Variants in ENPEP observed in about 807,000 individuals in gnomAD.
ENPEP encodes the protein AP-A.
ENPEP carries 103 observed loss-of-function variants against 114.5 expected under a neutral mutation model. That is an observed-to-expected ratio of 0.90 (90% CI 0.77 to 1.06). The LOEUF (loss-of-function observed/expected upper bound fraction) is 1.06, where lower values mean the gene tolerates loss of function less well. Ranked by LOEUF, ENPEP falls within the 50% of genes least tolerant of loss-of-function variation. ENPEP has a pLI of 0.00. For synonymous variants in ENPEP, 420 were observed against 422.0 expected (o/e 1.00, Z 0.06); for missense variants, 1,196 against 1,161.3 (o/e 1.03, Z -0.43).
At chr4:110,515,610 C>G in intron 8 of ENPEP, 168 bp downstream of exon 8, 1 of 632,158 alleles carries the variant, frequency 1.6e-6, no homozygotes, top group Non-Finnish European at 2.8e-6. Context: ...AATTGAGTAC[C>G]TACATTGTAT....
intron 14 of ENPEP, 78 bp from the exon 15 acceptor site, chr4:110,549,268 G>C: frequency 8.8e-7 from 1 of 1,134,554 alleles, no homozygotes; most frequent in Non-Finnish European, 1.3e-6. Context: ...TTATAACAGG[G>C]GCTGCTGAGT....
chr4:110,545,866 T>C (rs1003402228), intron 13 of ENPEP, among the ~76,000 whole-genome samples: 4 of 151,948 alleles, frequency 2.6e-5, no homozygotes, highest in Admixed American at 2.0e-4. Flanking sequence ...GGCCACCCCA[T>C]GCAGTCCCAT....
At position 110,509,721 on chromosome 4, in the gene ENPEP, A is replaced by G; in HGVS notation, c.1108A>G (p.Thr370Ala). Residue 370 changes from threonine to alanine, a missense_variant, in exon 5 of 20, where the codon ACG becomes GCG. By Grantham distance (58) the Thr-to-Ala change is moderately conservative. Transcript: ENST00000265162. ...ENWGLITYRE[T>A]NLLYDPKESA... is the part of the protein sequence containing the mutation. ...CTGGGGACTCATCACGTACAGAGAA[A>G]CGAACCTGCTTTATGACCCTAAGGA... 1.9e-6 allele frequency: 3 copies of G among 1,614,224 alleles called. No individual in the cohort carries two copies. The highest frequency in any genetic ancestry group is 2.5e-6 in the Non-Finnish European group (3 of 1,180,018).
At chr4:110,517,169 A>G (rs1046106557) in intron 8 of ENPEP, among the ~76,000 whole-genome samples, 2 of 151,912 alleles carry the variant, frequency 1.3e-5, no homozygotes, top group Non-Finnish European at 2.9e-5. Flanking sequence ...TGAACTTGTG[A>G]GCTCAAGAGA....
chr4:110,509,836 GT>G lies in ENPEP; in HGVS notation c.1194+36del, dbSNP rs763850521. 7.5e-6 allele frequency: 12 copies of G among 1,595,250 alleles called. No individual in the cohort carries two copies. The South Asian group carries it at 8.0e-5, about 11-fold the overall frequency. The stretch of plus-strand genomic sequence containing the variant: ...CAGAATCTTAGCACTGAATCAGCTT[GT>G]TTTTTTAAAGTGGCTTAAGACCACA... On this transcript the variant is annotated intron_variant, in intron 5 of 19. Coordinates refer to ENST00000265162, the MANE Select transcript of ENPEP (RefSeq NM_001977.4).
At chr4:110,511,346 G>A (rs570725850) in intron 6 of ENPEP, among the ~76,000 whole-genome samples, 1 of 151,998 alleles carries the variant, frequency 6.6e-6, no homozygotes, top group South Asian at 2.1e-4. Flanking sequence ...GTGCGTTATA[G>A]GATACTTAGC....
At position 110,561,531 on chromosome 4, in the gene ENPEP, G is replaced by GT; in HGVS notation, c.2853dup (p.Asn952Ter). 1 of 1,613,508 alleles carries GT rather than the reference G, an allele frequency of 6.2e-7. No homozygotes were observed. The highest frequency in any genetic ancestry group is 8.5e-7 in the Non-Finnish European group (1 of 1,179,774). On this transcript the variant is annotated frameshift_variant, in exon 20 of 20. Transcript: ENST00000265162. LOFTEE classifies it low-confidence loss of function (END_TRUNC). ...AACATAGAAACACCATCAGAGAATGGTTTTTTAATTTACTTGAGAGTGGTT... is the reference window on the plus strand; with the variant it reads ...AACATAGAAACACCATCAGAGAATGGTTTTTTTAATTTACTTGAGAGTGGTT...
At chr4:110,560,948 A>AG (rs1727656568) in intron 19 of ENPEP, among the ~76,000 whole-genome samples, 4 of 152,098 alleles carry the variant, frequency 2.6e-5, no homozygotes, top group Admixed American at 2.6e-4. Flanking sequence ...GGTCAGAGGG[A>AG]GTACAGCACT....
At chr4:110,552,418 T>C (rs1260792860) in intron 17 of ENPEP, among the ~76,000 whole-genome samples, 1 of 152,184 alleles carries the variant, frequency 6.6e-6, no homozygotes, top group Non-Finnish European at 1.5e-5. Context: ...TAGAAATACC[T>C]TTTCTGTTTG....
chr4:110,548,316 C>T lies in ENPEP; in HGVS notation c.2141C>T (p.Pro714Leu). ...TTTGAAGATGATAAAGAGCTATATC[C>T]TATGATTGAGGTGACGTTAATGCTA... ...SMFEDDKELY[P>L]MIEEYFQGQV... The change falls in exon 14 of 20, where the codon CCT becomes CTT. Residue 714 changes from proline to leucine, a missense_variant. Physicochemically the swap from Pro to Leu is moderately conservative, Grantham distance 98. Transcript: ENST00000265162. 6.3e-7 allele frequency: 1 copy of T among 1,581,272 alleles called. No individual in the cohort carries two copies. Among genetic ancestry groups the T allele is most frequent in the Non-Finnish European group, 8.6e-7 (1 of 1,165,556 alleles).
intron 1 of ENPEP, among the ~76,000 whole-genome samples, chr4:110,482,780 G>A (rs922705348): frequency 1.3e-5 from 2 of 152,132 alleles, no homozygotes; most frequent in Admixed American, 1.3e-4. Context: ...AGGCTGAGGT[G>A]GGCGGATCAC....
chr4:110,526,899 A>G (rs1179357597), intron 10 of ENPEP, among the ~76,000 whole-genome samples: 1 of 152,208 alleles, frequency 6.6e-6, no homozygotes, highest in Non-Finnish European at 1.5e-5. Context: ...CTAATTAAAG[A>G]ACAATGTGGA....
rs764743383 is a variant in ENPEP, at chr4:110,542,857, G to C, written c.1914G>C (p.Ser638=). The part of the protein sequence containing the change: ...RVNYEVATWD[S]IATALSLNHK... ...ATTATGAAGTAGCAACTTGGGACTC[G>C]ATAGCTACAGCGCTCTCCTTGAACC... The change falls in exon 12 of 20, where the codon TCG becomes TCC. Residue 638 remains serine, a synonymous_variant. Transcript: ENST00000265162. 1 of 1,613,138 alleles carries C rather than the reference G, an allele frequency of 6.2e-7. No individual in the cohort carries two copies. The highest frequency in any genetic ancestry group is 1.3e-5 in the African/African-American group (1 of 74,968).
chr4:110,556,007 A>G (rs74946616), intron 18 of ENPEP, among the ~76,000 whole-genome samples: 2 of 152,012 alleles, frequency 1.3e-5, no homozygotes, highest in African/African-American at 4.8e-5. Context: ...TGCAGTTTTC[A>G]CTCAGCATAT....
At chr4:110,516,649 TA>T (rs1171894130) in intron 8 of ENPEP, among the ~76,000 whole-genome samples, 1 of 152,166 alleles carries the variant, frequency 6.6e-6, no homozygotes, top group Non-Finnish European at 1.5e-5. Flanking sequence ...CAAGCCTTCT[TA>T]TGTGGCATTT....
chr4:110,487,531 C>CGT (rs145156095), intron 1 of ENPEP, among the ~76,000 whole-genome samples: 7 of 151,842 alleles, frequency 4.6e-5, no homozygotes, highest in Admixed American at 2.6e-4. Context: ...TGTGTGCGCA[C>CGT]GTGTGTGTGT....
chr4:110,555,855 T>C (rs1181066452), intron 18 of ENPEP, among the ~76,000 whole-genome samples: 1 of 152,000 alleles, frequency 6.6e-6, no homozygotes, highest in Non-Finnish European at 1.5e-5. Context: ...AAAATATAAT[T>C]AAATCCTTAT....
intron 3 of ENPEP, among the ~76,000 whole-genome samples, chr4:110,501,011 G>A (rs1725134107): frequency 6.6e-6 from 1 of 152,148 alleles, no homozygotes; most frequent in Non-Finnish European, 1.5e-5. Flanking sequence ...CCAAATCCAA[G>A]CATCACAGAT....
Position 110,499,417 on chromosome 4 carries a change from C to T in ENPEP, c.919-7220C>T, listed in dbSNP as rs181934282. Among the ~76,000 whole-genome samples the T allele has an allele frequency of 4.5e-4, 69 of 152,254 alleles. 1 individual carries two copies. The highest frequency in any genetic ancestry group is 1.2e-3 in the African/African-American group (48 of 41,558). ...AAACAAACTTTGTCCTGAACTCTAG[C>T]GTCGGTCCTGTCTTAGACTTCATTT... On this transcript the variant is annotated intron_variant, in intron 3 of 19. Transcript: ENST00000265162.
Sources: allele counts gnomAD v4.1 joint callset (sites outside exome capture counted in the v4.1 genomes callset), GRCh38; gene constraint gnomAD v4.1.1; transcripts MANE v1.5; gene names NCBI Gene and HGNC (gene_info 2026-07-23, HGNC 2026-07-21).